Variants in AP1S3 observed in about 807,000 individuals in gnomAD.
AP1S3 encodes adaptor related protein complex 1 subunit sigma 3.
Under a neutral mutation model 20.9 loss-of-function variants are expected in AP1S3, and 10 were observed. That is an observed-to-expected ratio of 0.48 (90% CI 0.29 to 0.81). The LOEUF is 0.81. AP1S3 is among the 30% of genes least tolerant of loss of function. AP1S3 has a pLI of 0.08. For synonymous variants in AP1S3, 41 were observed against 61.5 expected (o/e 0.67, Z 1.56); for missense variants, 154 against 183.8 (o/e 0.84, Z 0.94).
intron 3 of AP1S3, among the ~76,000 whole-genome samples, chr2:223,770,497 T>TACACACTC (rs1553581364): frequency 1.4e-5 from 2 of 141,640 alleles, no homozygotes; most frequent in Non-Finnish European, 3.0e-5. Context: ...AGAGAGACAA[T>TACACACTC]ACACACACAC....
chr2:223,782,175 G>C (rs1690966059), intron 1 of AP1S3, among the ~76,000 whole-genome samples: 1 of 151,984 alleles, frequency 6.6e-6, no homozygotes, highest in South Asian at 2.1e-4. Flanking sequence ...ACCAAGCCCA[G>C]CTAATTTTTG....
chr2:223,824,808 T>C (rs1352447881), intron 1 of AP1S3, among the ~76,000 whole-genome samples: 1 of 152,210 alleles, frequency 6.6e-6, no homozygotes, highest in Non-Finnish European at 1.5e-5. Context: ...GTGCTGGGAT[T>C]GCAGGCGTAA....
intron 3 of AP1S3, among the ~76,000 whole-genome samples, chr2:223,774,429 G>A (rs978746958): frequency 1.1e-4 from 16 of 151,942 alleles, no homozygotes; most frequent in Non-Finnish European, 7.4e-5. Context: ...GTGTATCAAG[G>A]ATGGAGGAGT....
chr2:223,834,806 C>T (rs1447527207), intron 1 of AP1S3, among the ~76,000 whole-genome samples: 2 of 151,640 alleles, frequency 1.3e-5, no homozygotes, highest in Admixed American at 1.3e-4. Flanking sequence ...ACACATTAAA[C>T]ATAAATAACA....
In AP1S3 at chr2:223,756,591, G is replaced by A. The variant is rs1690228309; in HGVS notation, c.*2124C>T. 4.1e-6 allele frequency: 4 copies of A among 985,366 alleles called. No homozygotes were observed. The highest frequency in any genetic ancestry group is 4.8e-6 in the Non-Finnish European group (4 of 829,870). 61.0% of individuals were successfully genotyped at this position (985,366 alleles called of 1,614,324 possible). On this transcript the variant is annotated 3_prime_UTR_variant, in exon 5 of 5. Coordinates refer to ENST00000396654, the MANE Select transcript of AP1S3 (RefSeq NM_001039569.2). The stretch of plus-strand genomic sequence containing the variant: ...CATACATGATAAACTTCAAGCTGAT[G>A]CCATAATTGTAATTACATGGTAACC...
intron 3 of AP1S3, among the ~76,000 whole-genome samples, chr2:223,774,626 A>T (rs562696959): frequency 6.6e-6 from 1 of 152,274 alleles, no homozygotes; most frequent in Admixed American, 6.5e-5. Context: ...GCCAGGTAAG[A>T]TGTTTAAGAG....
chr2:223,808,907 A>T (rs1691646127), intron 1 of AP1S3, among the ~76,000 whole-genome samples: 1 of 152,072 alleles, frequency 6.6e-6, no homozygotes, highest in African/African-American at 2.4e-5. Context: ...AGGCAGGAGG[A>T]TCACTTGAAC....
chr2:223,805,297 G>C (rs748995951), intron 1 of AP1S3, among the ~76,000 whole-genome samples: 15 of 152,126 alleles, frequency 9.9e-5, no homozygotes, highest in Non-Finnish European at 2.1e-4. Flanking sequence ...ACAAAAATTA[G>C]CTGGGCATGG....
At chr2:223,818,372 G>A (rs566550320) in intron 1 of AP1S3, among the ~76,000 whole-genome samples, 2 of 151,364 alleles carry the variant, frequency 1.3e-5, no homozygotes, top group South Asian at 2.1e-4. Context: ...AGCCGAGATC[G>A]AGCCACTGCA....
chr2:223,818,975 T>C (rs1238176494), intron 1 of AP1S3, among the ~76,000 whole-genome samples: 2 of 152,214 alleles, frequency 1.3e-5, no homozygotes, highest in Admixed American at 6.5e-5. Flanking sequence ...GATACTATTT[T>C]AATTGCCAAT....
At chr2:223,769,834 C>G (rs12475757) in intron 3 of AP1S3, among the ~76,000 whole-genome samples, 58,795 of 149,752 alleles carry the variant, frequency 0.39, 12,731 homozygotes, top group South Asian at 0.58. Flanking sequence ...GGCTCCGCCC[C>G]CCGGGGTTCA....
chr2:223,756,060 C>T lies in AP1S3; in HGVS notation c.*2655G>A, dbSNP rs559577289. ...TGTATTGAAAAATAAAGAATTTGGC[C>T]GGGTGCAGCGGCTCATGCCTGTAAT... On this transcript the variant is annotated 3_prime_UTR_variant, in exon 5 of 5. Coordinates refer to ENST00000396654, the MANE Select transcript of AP1S3 (RefSeq NM_001039569.2). The T allele has an allele frequency of 7.1e-6, 7 of 985,180 alleles. No homozygotes were observed. The highest frequency in any genetic ancestry group is 4.7e-5 in the South Asian group (1 of 21,250). The allele number at this position is 985,180 out of a possible 1,614,324, so 61.0% of individuals were successfully genotyped here. A position where few individuals can be genotyped will look rare whatever the true frequency, so the allele number is the denominator to read the frequency against.
In AP1S3 at chr2:223,756,988, CT is replaced by C. The variant is rs531434125; in HGVS notation, c.*1726del. Reference sequence around the variant, plus strand: ...AGAATACTACAAGCTTTTACTTTTTCTTTTTTTTTTTTTTTTTCTTGAGACG... The same window carrying C: ...AGAATACTACAAGCTTTTACTTTTTCTTTTTTTTTTTTTTTTCTTGAGACG... On this transcript the variant is annotated 3_prime_UTR_variant, in exon 5 of 5. Coordinates refer to ENST00000396654, the MANE Select transcript of AP1S3 (RefSeq NM_001039569.2). 0.1 allele frequency: 86,110 copies of C among 861,998 alleles called. 349 individuals are homozygous for C. Among genetic ancestry groups the C allele is most frequent in the East Asian group, 0.24 (1,895 of 8,058 alleles). 53.4% of individuals were successfully genotyped at this position (861,998 alleles called of 1,614,324 possible). A position where few individuals can be genotyped will look rare whatever the true frequency, so the allele number is the denominator to read the frequency against.
At chr2:223,759,085 G>A (rs997775862) in intron 4 of AP1S3, among the ~76,000 whole-genome samples, 1 of 152,096 alleles carries the variant, frequency 6.6e-6, no homozygotes, top group Non-Finnish European at 1.5e-5. Flanking sequence ...CCTGAGGCCA[G>A]CCTGGCCAAC....
At chr2:223,781,547 G>C (rs1199435352) in intron 1 of AP1S3, among the ~76,000 whole-genome samples, 2 of 151,788 alleles carry the variant, frequency 1.3e-5, no homozygotes, top group Non-Finnish European at 2.9e-5. Context: ...AGTAGCCTGG[G>C]AAACATAGCA....
intron 1 of AP1S3, among the ~76,000 whole-genome samples, chr2:223,797,560 G>A (rs1419673933): frequency 1.3e-5 from 2 of 152,060 alleles, no homozygotes; most frequent in Admixed American, 1.3e-4. Context: ...TCAGGAGTTC[G>A]AGACCAGCCT....
At chr2:223,809,193 G>A (rs907316983) in intron 1 of AP1S3, among the ~76,000 whole-genome samples, 17 of 152,144 alleles carry the variant, frequency 1.1e-4, no homozygotes, top group African/African-American at 4.1e-4. Flanking sequence ...TGGCCTGCAA[G>A]GCCATACTCA....
At chr2:223,795,606 C>T (rs2106106658) in intron 1 of AP1S3, among the ~76,000 whole-genome samples, 1 of 104,236 alleles carries the variant, frequency 9.6e-6, no homozygotes, top group African/African-American at 4.2e-5. Flanking sequence ...CCAGGAGGCG[C>T]CAGGAGGCAG....
At chr2:223,770,988 GC>G (rs1364346628) in intron 3 of AP1S3, among the ~76,000 whole-genome samples, 2 of 151,760 alleles carry the variant, frequency 1.3e-5, no homozygotes, top group Non-Finnish European at 2.9e-5. Flanking sequence ...CCCCACCTTG[GC>G]CTCCCAAAGT....
Sources: gnomAD v4.1 joint callset for allele counts (sites outside exome capture counted in the v4.1 genomes callset) on GRCh38, gnomAD v4.1.1 for gene constraint, MANE v1.5 for transcripts, NCBI Gene and HGNC (gene_info 2026-07-23, HGNC 2026-07-21) for gene names.